TMEM169: variants seen among roughly 807,000 people sequenced by gnomAD.
TMEM169 encodes the protein transmembrane protein 169.
A neutral mutation model predicts 27.3 loss-of-function variants in TMEM169; 18 were observed. The observed-to-expected ratio is 0.66, with a 90% CI of 0.46 to 0.98. The LOEUF (loss-of-function observed/expected upper bound fraction) is 0.98. TMEM169 is among the 50% of genes least tolerant of loss of function. TMEM169 has a pLI of 0.00. For synonymous variants in TMEM169, 136 were observed against 142.1 expected (o/e 0.96, Z 0.30); for missense variants, 320 against 368.6 (o/e 0.87, Z 1.08).
At chr2:216,088,630 G>A (rs1410418919) in intron 1 of TMEM169, among the ~76,000 whole-genome samples, 4 of 152,242 alleles carry the variant, frequency 2.6e-5, no homozygotes, top group Non-Finnish European at 5.9e-5. Flanking sequence ...GAGCCTAGGA[G>A]TTCAAGTCAA....
At position 216,099,237 on chromosome 2, in the gene TMEM169, G is replaced by T. The variant is rs186504632; in HGVS notation, c.272-683G>T. ...ATGTATGGTGTTTGGTATATGTGGT[G>T]TGGGTATGTGGTGTGTATGTGGTAT... On this transcript the variant is annotated intron_variant, in intron 2 of 2. Coordinates refer to ENST00000437356, the MANE Select transcript of TMEM169 (RefSeq NM_001142311.2). This position sits in a 1 kb window ranked among gnomAD's most constrained non-coding sequence, Gnocchi z 5.0. Among the ~76,000 whole-genome samples the T allele has an allele frequency of 4.9e-4, 74 of 150,694 alleles. No homozygotes were observed. Among genetic ancestry groups the T allele is most frequent in the Non-Finnish European group, 9.3e-4 (63 of 67,456 alleles).
intron 1 of TMEM169, among the ~76,000 whole-genome samples, chr2:216,095,025 C>G (rs1696228914): frequency 1.3e-5 from 2 of 151,742 alleles, no homozygotes; most frequent in South Asian, 4.2e-4. Context: ...TTGTATTTAT[C>G]CATTTGAGTA....
rs1358737704 is a variant in TMEM169, at chr2:216,101,553, A to T, written c.*1011A>T. 6.6e-6 allele frequency: 1 copy of T among 152,322 alleles called. No individual in the cohort carries two copies. The highest frequency in any genetic ancestry group is 1.5e-5 in the Non-Finnish European group (1 of 68,140). The allele number at this position is 152,322 out of a possible 1,614,324, so 9.4% of individuals were successfully genotyped here. A position where few individuals can be genotyped will look rare whatever the true frequency, so the allele number is the denominator to read the frequency against. ...GAGTGCAGTGGCACTATCTCGGCTC[A>T]CTGCAACCTTCGCCTCCTGGGTTCA... is the stretch of plus-strand genomic sequence containing the variant. On this transcript the variant is annotated 3_prime_UTR_variant, in exon 3 of 3. Coordinates refer to ENST00000437356, the MANE Select transcript of TMEM169 (RefSeq NM_001142311.2).
At chr2:216,097,700 C>G (rs1696295458) in intron 2 of TMEM169, among the ~76,000 whole-genome samples, 1 of 152,134 alleles carries the variant, frequency 6.6e-6, no homozygotes, top group South Asian at 2.1e-4. Context: ...TCTCTGCTCT[C>G]CTGCAGTTGA....
chr2:216,100,283 T>C lies in TMEM169; in HGVS notation c.635T>C (p.Leu212Pro). Residue 212 changes from leucine to proline, a missense_variant, in exon 3 of 3, where the codon CTC (leucine) becomes CCC (proline). Transcript: ENST00000437356. ...HKISYCPCLV[L>P]FYPVLIMAMA... ...ATCTCGTATTGCCCTTGCCTCGTTC[T>C]CTTCTATCCAGTGCTCATCATGGCC... is the stretch of plus-strand genomic sequence containing the variant. 6.2e-7 allele frequency: 1 copy of C among 1,613,838 alleles called. No homozygotes were observed. Among genetic ancestry groups the C allele is most frequent in the Non-Finnish European group, 8.5e-7 (1 of 1,179,978 alleles).
intron 1 of TMEM169, among the ~76,000 whole-genome samples, chr2:216,093,162 GTA>G (rs1491021967): frequency 7.3e-6 from 1 of 136,598 alleles, no homozygotes; most frequent in Non-Finnish European, 1.6e-5. Context: ...GTGTGTGTGT[GTA>G]TACATATAAA....
At chr2:216,098,714 TTGTGTG>T (rs34734178) in intron 2 of TMEM169, among the ~76,000 whole-genome samples, 12 of 149,518 alleles carry the variant, frequency 8.0e-5, no homozygotes, top group African/African-American at 1.5e-4. Flanking sequence ...TGTGGGTGCG[TTGTGTG>T]TGTGTGTGTG....
rs555567716 is a variant in TMEM169 at position 216,083,076 on chromosome 2, C to T, written c.-127+1097C>T. ...TTCCCTGTTGCTCCATCCTCTTGTC[C>T]TTCTCTGATCTCTTTTTAGAATCAC... On this transcript the variant is annotated intron_variant, in intron 1 of 2. Transcript: ENST00000437356. 9 of 152,294 alleles carry T rather than the reference C, an allele frequency of 5.9e-5. No individual in the cohort carries two copies. The East Asian group carries it at 1.7e-3, about 29-fold the overall frequency. The allele number at this position is 152,294 out of a possible 1,614,324, so 9.4% of individuals were successfully genotyped here.
At chr2:216,082,030 G>T (rs1262871549) in intron 1 of TMEM169, 51 bp downstream of exon 1, 9 of 377,552 alleles carry the variant, frequency 2.4e-5, no homozygotes, top group Non-Finnish European at 1.4e-5. Flanking sequence ...GGGGAGGGTG[G>T]AAGGGAAATG....
In TMEM169 at chr2:216,102,262, C is replaced by T. The variant is rs1009231003; in HGVS notation, c.*1720C>T. The T allele has an allele frequency of 2.0e-5, 3 of 152,050 alleles. No homozygotes were observed. 9.4% of individuals were successfully genotyped at this position (152,050 alleles called of 1,614,324 possible). The stretch of plus-strand genomic sequence containing the variant: ...CACTCAGAGCTTTACTCCCTCAGAC[C>T]TTTCTGAGTTTAACCACAGACATGA... On this transcript the variant is annotated 3_prime_UTR_variant, in exon 3 of 3. Transcript: ENST00000437356.
rs574876404 is a variant in TMEM169, at chr2:216,102,246, C to A, written c.*1704C>A. ...TTGTTTGGCAAAACCTCACTCAGAG[C>A]TTTACTCCCTCAGACCTTTCTGAGT... On this transcript the variant is annotated 3_prime_UTR_variant, in exon 3 of 3. Coordinates refer to ENST00000437356, the MANE Select transcript of TMEM169 (RefSeq NM_001142311.2). The A allele has an allele frequency of 6.6e-6, 1 of 152,290 alleles. No homozygotes were observed. The highest frequency in any genetic ancestry group is 2.1e-4 in the South Asian group (1 of 4,828). 9.4% of individuals were successfully genotyped at this position (152,290 alleles called of 1,614,324 possible). A position where few individuals can be genotyped will look rare whatever the true frequency, so the allele number is the denominator to read the frequency against.
intron 1 of TMEM169, 23 bp from the exon 2 acceptor site, chr2:216,095,815 G>A: frequency 2.2e-6 from 2 of 898,960 alleles, no homozygotes; most frequent in Non-Finnish European, 3.3e-6. Context: ...TCCTGTTGAT[G>A]GCTTTGCTTT....
In TMEM169 at chr2:216,100,535, C is replaced by T. The variant is rs142015527; in HGVS notation, c.887C>T (p.Thr296Met). 1.6e-4 allele frequency: 263 copies of T among 1,614,054 alleles called. No individual in the cohort carries two copies. Among genetic ancestry groups the T allele is most frequent in the East Asian group, 9.8e-4 (44 of 44,890 alleles). ...KDPIQEVETS[T>M]V ...CCCATCCAAGAAGTAGAAACCTCCACGGTCTAAACTCCCAACAACTTACTC... is the reference window on the plus strand; with the variant it reads ...CCCATCCAAGAAGTAGAAACCTCCATGGTCTAAACTCCCAACAACTTACTC... The change falls in exon 3 of 3, where the codon ACG (threonine) becomes ATG (methionine). Residue 296 changes from threonine (T) to methionine (M), a missense_variant. Transcript: ENST00000437356.
intron 1 of TMEM169, among the ~76,000 whole-genome samples, chr2:216,092,267 C>T (rs1179618668): frequency 6.6e-6 from 1 of 152,190 alleles, no homozygotes; most frequent in African/African-American, 2.4e-5. Context: ...TCCCTGGGCT[C>T]AGGAAGCTCT....
At chr2:216,088,294 C>T (rs1301097600) in intron 1 of TMEM169, among the ~76,000 whole-genome samples, 2 of 152,026 alleles carry the variant, frequency 1.3e-5, no homozygotes, top group Non-Finnish European at 2.9e-5. Flanking sequence ...CCCGTCTCTA[C>T]TAAAAAAGAA....
chr2:216,096,238 AG>A lies in TMEM169; in HGVS notation c.271+5del. On this transcript the variant is annotated splice_donor_5th_base_variant and intron_variant, in intron 2 of 2. Coordinates refer to ENST00000437356, the MANE Select transcript of TMEM169 (RefSeq NM_001142311.2). ...CTAGACTATCCTGTGGATGATGGTA[AG>A]TCTCTCTAGCCCACTTGTTTAAAGC... is the stretch of plus-strand genomic sequence containing the variant. 6.2e-7 allele frequency: 1 copy of A among 1,612,316 alleles called. No homozygotes were observed. The highest frequency in any genetic ancestry group is 8.5e-7 in the Non-Finnish European group (1 of 1,178,846).
chr2:216,096,562 A>C (rs1696269218), intron 2 of TMEM169, among the ~76,000 whole-genome samples: 1 of 152,004 alleles, frequency 6.6e-6, no homozygotes, highest in Non-Finnish European at 1.5e-5. Flanking sequence ...ACTGGGTTTC[A>C]CCATGTTGTC....
chr2:216,083,936 T>G lies in TMEM169; in HGVS notation c.-127+1957T>G, dbSNP rs1695935780. Among the ~76,000 whole-genome samples the G allele has an allele frequency of 2.6e-5, 4 of 152,286 alleles. No homozygotes were observed. In the South Asian group the frequency reaches 8.3e-4, roughly 32 times the overall value. On this transcript the variant is annotated intron_variant, in intron 1 of 2. Coordinates refer to ENST00000437356, the MANE Select transcript of TMEM169 (RefSeq NM_001142311.2). The stretch of plus-strand genomic sequence containing the variant: ...TCTGCTGCTTGGAAGCTCTTTGTTT[T>G]GAAATTTTAGTTCTGCCTCTGGTTG...
chr2:216,100,408 G>A lies in TMEM169; in HGVS notation c.760G>A (p.Gly254Ser). The A allele has an allele frequency of 6.2e-7, 1 of 1,613,912 alleles. No homozygotes were observed. Among genetic ancestry groups the A allele is most frequent in the South Asian group, 1.1e-5 (1 of 91,068 alleles). Residue 254 changes from glycine to serine, a missense_variant, in exon 3 of 3, where the codon GGC (glycine) becomes AGC (serine). By Grantham distance (56) the Gly-to-Ser change is moderately conservative. Coordinates refer to ENST00000437356, the MANE Select transcript of TMEM169 (RefSeq NM_001142311.2). Reference sequence around the variant, plus strand: ...CCGGGACATGGAGAAAGGCTTCTGTGGCTGGCTCTGCAGCAAGCTGGGTCT... The same window carrying A: ...CCGGGACATGGAGAAAGGCTTCTGTAGCTGGCTCTGCAGCAAGCTGGGTCT... Reference protein sequence around the residue: ...AARDMEKGFCGWLCSKLGLED... With the variant: ...AARDMEKGFCSWLCSKLGLED...
Sources: gnomAD v4.1 joint callset for allele counts (sites outside exome capture counted in the v4.1 genomes callset) on GRCh38, gnomAD v4.1.1 for gene constraint, Gnocchi (gnomAD v3.1) non-coding constraint, MANE v1.5 for transcripts, NCBI Gene and HGNC (gene_info 2026-07-23, HGNC 2026-07-21) for gene names.